The following APC variants were observed in gnomAD, a reference collection of about 807,000 sequenced individuals.
The protein encoded by APC is APC regulator of Wnt signaling pathway, also known as adenomatous polyposis coli protein.
APC carries 72 observed loss-of-function variants against 247.0 expected under a neutral mutation model. The observed-to-expected ratio is 0.29, with a 90% CI of 0.24 to 0.35. APC has a LOEUF of 0.35. APC is among the 10% of genes least tolerant of loss of function. The pLI is 1.00. For synonymous variants in APC, 1,254 were observed against 1,162.5 expected (o/e 1.08, Z -1.60); for missense variants, 3,400 against 3,360.7 (o/e 1.01, Z -0.29).
chr5:112,726,641 G>A (rs1289371847), intron 1 of APC, among the ~76,000 whole-genome samples: 2 of 152,082 alleles, frequency 1.3e-5, no homozygotes, highest in African/African-American at 4.8e-5. Context: ...CAGGCTTGGA[G>A]GTGGGGCCTT....
At chr5:112,815,334 C>A (rs762991407) in intron 8 of APC, among the ~76,000 whole-genome samples, 161 bp from the exon 9 acceptor site, 3 of 152,156 alleles carry the variant, frequency 2.0e-5, no homozygotes, top group African/African-American at 7.2e-5. Flanking sequence ...ACTTAGTAAG[C>A]GTATAGGTAA....
chr5:112,809,972 G>A (rs1761820237), intron 8 of APC, among the ~76,000 whole-genome samples: 1 of 152,022 alleles, frequency 6.6e-6, no homozygotes, highest in Non-Finnish European at 1.5e-5. Context: ...ACTCCAGCCT[G>A]GTGACAGAGC....
intron 1 of APC, among the ~76,000 whole-genome samples, chr5:112,720,680 G>A (rs1751433579): frequency 6.6e-6 from 1 of 152,160 alleles, no homozygotes; most frequent in Admixed American, 6.5e-5. Flanking sequence ...ACAGATTTGA[G>A]GAGACAAAAA....
chr5:112,791,419 C>T (rs544422215), intron 6 of APC, among the ~76,000 whole-genome samples: 1 of 152,306 alleles, frequency 6.6e-6, no homozygotes, highest in East Asian at 1.9e-4. Context: ...GGGTCCCCAG[C>T]CCCCAGGCCA....
At chr5:112,727,962 C>T (rs997378618) in intron 1 of APC, among the ~76,000 whole-genome samples, 3 of 150,900 alleles carry the variant, frequency 2.0e-5, no homozygotes, top group Non-Finnish European at 4.4e-5. Context: ...AAAAAAAAAT[C>T]AGAATTTTAT....
intron 5 of APC, among the ~76,000 whole-genome samples, chr5:112,779,964 A>G (rs911190278): frequency 1.4e-4 from 22 of 152,216 alleles, no homozygotes; most frequent in African/African-American, 4.1e-4. Context: ...CAGAAAATCT[A>G]TAACATTGCC....
intron 7 of APC, among the ~76,000 whole-genome samples, chr5:112,793,751 C>T (rs1580428988): frequency 6.6e-6 from 1 of 152,020 alleles, no homozygotes; most frequent in African/African-American, 2.4e-5. Flanking sequence ...CAAAATTTCT[C>T]AGAAATTTTA....
intron 1 of APC, among the ~76,000 whole-genome samples, chr5:112,747,249 A>G (rs1753794000): frequency 6.6e-6 from 1 of 152,184 alleles, no homozygotes; most frequent in African/African-American, 2.4e-5. Flanking sequence ...TGAGGGGGGA[A>G]AACCCTGGAA....
intron 8 of APC, among the ~76,000 whole-genome samples, chr5:112,814,096 A>G (rs1369388412): frequency 6.6e-6 from 1 of 152,226 alleles, no homozygotes; most frequent in Non-Finnish European, 1.5e-5. Flanking sequence ...GCAGCAGCGA[A>G]CAGAATAAAG....
chr5:112,716,713 C>A (rs1273832716), intron 1 of APC, among the ~76,000 whole-genome samples: 1 of 152,148 alleles, frequency 6.6e-6, no homozygotes, highest in East Asian at 1.9e-4. Context: ...AAATTTGAGG[C>A]TATGCTATTA....
At chr5:112,815,627 C>G (rs1329864587) in intron 9 of APC, 34 bp downstream of exon 9, 7 of 1,529,200 alleles carry the variant, frequency 4.6e-6, no homozygotes, top group Non-Finnish European at 6.3e-6. Context: ...GTCACTAATG[C>G]CATGACTACT....
At position 112,841,947 on chromosome 5, in the gene APC, C is replaced by G. The variant is rs1114167574; in HGVS notation, c.6353C>G (p.Ala2118Gly). The G allele has an allele frequency of 1.2e-6, 2 of 1,613,300 alleles. No individual in the cohort carries two copies. The highest frequency in any genetic ancestry group is 1.7e-6 in the Non-Finnish European group (2 of 1,179,370). ...ANSIVSSLHQ[A>G]AAAACLSRQA... ...TCCATAGTAAGTAGTTTACATCAAG[C>G]TGCTGCTGCTGCATGTTTATCTAGA... Residue 2118 changes from alanine to glycine, a missense_variant, in exon 16 of 16, where the codon GCT (alanine) becomes GGT (glycine). This residue lies in a region of APC where 1,788 missense variants were observed against 1,649.5 expected (regional missense o/e 1.08). Coordinates refer to ENST00000257430, the MANE Select transcript of APC (RefSeq NM_000038.6). The surrounding 1 kb of genome is among the most constrained non-coding windows in gnomAD (Gnocchi z 4.6).
At chr5:112,825,257 A>G (rs921758157) in intron 11 of APC, among the ~76,000 whole-genome samples, 2 of 152,260 alleles carry the variant, frequency 1.3e-5, no homozygotes. Flanking sequence ...CCAAGCCACC[A>G]TCGTCTCTCC....
intron 10 of APC, among the ~76,000 whole-genome samples, chr5:112,820,346 A>G (rs1762991463): frequency 6.6e-6 from 1 of 152,134 alleles, no homozygotes; most frequent in Non-Finnish European, 1.5e-5. Flanking sequence ...TTTGAAATCT[A>G]AAAATGTTCA....
intron 1 of APC, among the ~76,000 whole-genome samples, chr5:112,725,304 A>G (rs767401395): frequency 1.1e-4 from 17 of 152,078 alleles, no homozygotes; most frequent in East Asian, 1.9e-4. Context: ...ACTTACAGCA[A>G]TTTTTTTAAA....
intron 6 of APC, among the ~76,000 whole-genome samples, chr5:112,790,693 T>C (rs1374674991): frequency 6.6e-6 from 1 of 152,190 alleles, no homozygotes; most frequent in African/African-American, 2.4e-5. Flanking sequence ...AGTAAACATT[T>C]TTACTATGGT....
intron 3 of APC, among the ~76,000 whole-genome samples, chr5:112,766,737 CTACTGTT>C: frequency 6.6e-6 from 1 of 152,112 alleles, no homozygotes; most frequent in East Asian, 1.9e-4. Context: ...AGACTTGAGC[CTACTGTT>C]TCATTGGAAG....
At chr5:112,724,564 A>G (rs1469352478) in intron 1 of APC, among the ~76,000 whole-genome samples, 2 of 150,844 alleles carry the variant, frequency 1.3e-5, no homozygotes, top group Non-Finnish European at 3.0e-5. Context: ...AGTGTGTGGT[A>G]AATGAGATAG....
intron 3 of APC, 109 bp downstream of exon 3, chr5:112,766,519 T>C: frequency 1.4e-6 from 1 of 732,956 alleles, no homozygotes; most frequent in South Asian, 1.6e-5. Context: ...GTATCAGTTT[T>C]CTTGGTATGT....
Sources: allele counts gnomAD v4.1 joint callset (sites outside exome capture counted in the v4.1 genomes callset), GRCh38; gene constraint gnomAD v4.1.1; regional missense constraint gnomAD v4.1.1; non-coding constraint Gnocchi (gnomAD v3.1); transcripts MANE v1.5; gene names NCBI Gene and HGNC (gene_info 2026-07-23, HGNC 2026-07-21).